The following ABCA4 variants were observed in gnomAD, a reference collection of about 807,000 sequenced individuals.
The protein encoded by ABCA4 is ATP binding cassette subfamily A member 4, also known as retinal-specific phospholipid-transporting ATPase ABCA4.
Under a neutral mutation model 263.7 loss-of-function variants are expected in ABCA4, and 196 were observed. The observed-to-expected ratio is 0.74, with a 90% CI of 0.66 to 0.84. ABCA4 has a LOEUF of 0.84. Among genes scored for constraint, ABCA4 ranks in the 40% least tolerant of loss-of-function variants. The pLI is 0.00. For missense variants in ABCA4, 2,792 were observed against 2,855.1 expected (o/e 0.98, Z 0.50); for synonymous variants, 1,133 against 1,094.2 (o/e 1.04, Z -0.70).
chr1:94,102,778 A>AT (rs765993823), intron 5 of ABCA4, among the ~76,000 whole-genome samples: 4 of 152,226 alleles, frequency 2.6e-5, no homozygotes, highest in Non-Finnish European at 4.4e-5. Flanking sequence ...CCTTCCAGTT[A>AT]TAAAAACCTG....
At chr1:94,041,921 C>T (rs962442278) in intron 22 of ABCA4, among the ~76,000 whole-genome samples, 13 of 151,904 alleles carry the variant, frequency 8.6e-5, no homozygotes. Context: ...CACGGTGAAA[C>T]CCCGTCTCTA....
At chr1:94,072,378 T>C (rs1315678902) in intron 11 of ABCA4, among the ~76,000 whole-genome samples, 1 of 152,214 alleles carries the variant, frequency 6.6e-6, no homozygotes, top group Non-Finnish European at 1.5e-5. Context: ...GCTTCCTATA[T>C]CAGCTTCCTG....
chr1:94,028,565 T>A (rs1160621707), intron 30 of ABCA4, among the ~76,000 whole-genome samples: 1 of 152,044 alleles, frequency 6.6e-6, no homozygotes, highest in Non-Finnish European at 1.5e-5. Context: ...CTTATAATGG[T>A]GAAAACTAAA....
chr1:94,038,566 G>T (rs761384983), intron 24 of ABCA4, among the ~76,000 whole-genome samples: 2 of 152,186 alleles, frequency 1.3e-5, no homozygotes, highest in Admixed American at 6.5e-5. Flanking sequence ...CTGCAAGTTG[G>T]ACTTGATTGT....
chr1:94,072,480 C>T (rs190665967), intron 11 of ABCA4, among the ~76,000 whole-genome samples: 4 of 152,260 alleles, frequency 2.6e-5, no homozygotes, highest in African/African-American at 9.6e-5. Flanking sequence ...CAGGCCTAAC[C>T]TTTTGCTAAA....
chr1:94,110,993 C>T (rs955948431), intron 3 of ABCA4, among the ~76,000 whole-genome samples: 1 of 152,190 alleles, frequency 6.6e-6, no homozygotes, highest in African/African-American at 2.4e-5. Context: ...ACTTCATTTA[C>T]CTTCCCAATG....
chr1:94,080,362 G>T (rs965953368), intron 8 of ABCA4, 116 bp downstream of exon 8: 239 of 1,426,364 alleles, frequency 1.7e-4, no homozygotes, highest in Non-Finnish European at 2.1e-4. Flanking sequence ...TTTACCTAAG[G>T]CCACTCAGCA....
At chr1:94,024,553 A>G (rs1659985378) in intron 31 of ABCA4, among the ~76,000 whole-genome samples, 1 of 151,470 alleles carries the variant, frequency 6.6e-6, no homozygotes, top group Admixed American at 6.6e-5. Context: ...CCACTTACTT[A>G]TTTTCTCTTT....
intron 11 of ABCA4, among the ~76,000 whole-genome samples, chr1:94,067,900 C>A (rs961371484): frequency 1.6e-4 from 25 of 152,196 alleles, no homozygotes; most frequent in Admixed American, 1.6e-3. Context: ...TGTTTTTAAC[C>A]ACTATGGTAT....
At chr1:94,103,987 G>T (rs1434401594) in intron 4 of ABCA4, among the ~76,000 whole-genome samples, 1 of 152,218 alleles carries the variant, frequency 6.6e-6, no homozygotes, top group Admixed American at 6.5e-5. Context: ...CCCCGTGTCT[G>T]CATTTTCCAC....
intron 6 of ABCA4, among the ~76,000 whole-genome samples, chr1:94,090,370 A>C (rs756136634): frequency 9.2e-5 from 14 of 152,228 alleles, no homozygotes; most frequent in Admixed American, 5.9e-4. Context: ...AAAAAAAAAA[A>C]AACTTCAAAT....
At position 94,010,832 on chromosome 1, in the gene ABCA4, C is replaced by G. The variant is rs1801574; in HGVS notation, c.5682G>C (p.Leu1894=). ...AGAGGAAGAAGTGGCGCTGGACCAG[C>G]AGGGTCAGGAGGAAGTACACCACCC... ...VEGVVYFLLT[L]LVQRHFFLSQ... The change falls in exon 40 of 50, where the codon CTG becomes CTC. Residue 1894 remains leucine, a synonymous_variant. Coordinates refer to ENST00000370225, the MANE Select transcript of ABCA4 (RefSeq NM_000350.3). 0.24 allele frequency: 381,790 copies of G among 1,613,792 alleles called. 46,504 individuals are homozygous for G. The highest frequency in any genetic ancestry group is 0.25 in the African/African-American group (18,977 of 74,922).
chr1:94,022,722 G>A (rs573250437), intron 32 of ABCA4, among the ~76,000 whole-genome samples: 1 of 152,292 alleles, frequency 6.6e-6, no homozygotes, highest in East Asian at 1.9e-4. Context: ...AAGCAGAGGA[G>A]GAGCTCTTTC....
chr1:94,109,344 A>G (rs1012703915), intron 3 of ABCA4, among the ~76,000 whole-genome samples: 1 of 152,248 alleles, frequency 6.6e-6, no homozygotes, highest in African/African-American at 2.4e-5. Flanking sequence ...TTTTTACCCA[A>G]TTCTCTGAGA....
At chr1:94,048,571 C>T (rs897590677) in intron 18 of ABCA4, among the ~76,000 whole-genome samples, 4 of 152,216 alleles carry the variant, frequency 2.6e-5, no homozygotes, top group East Asian at 1.9e-4. Context: ...GCTAAATCCT[C>T]GGAAGTCAGC....
Position 94,044,462 on chromosome 1 carries a change from C to T in ABCA4, c.3050+151G>A, listed in dbSNP as rs926853069. The T allele has an allele frequency of 4.6e-5, 55 of 1,186,848 alleles. No individual in the cohort carries two copies. In the African/African-American group the frequency reaches 7.7e-4, roughly 17 times the overall value. The allele number at this position is 1,186,848 out of a possible 1,614,324, so 73.5% of individuals were successfully genotyped here. ...GGGACAATTCTCACTGCAAGTAGGACAAAGGACTTTAAACATAGGGGAAAC... is the reference window on the plus strand; with the variant it reads ...GGGACAATTCTCACTGCAAGTAGGATAAAGGACTTTAAACATAGGGGAAAC... On this transcript the variant is annotated intron_variant, in intron 20 of 49. Coordinates refer to ENST00000370225, the MANE Select transcript of ABCA4 (RefSeq NM_000350.3).
intron 4 of ABCA4, among the ~76,000 whole-genome samples, chr1:94,105,209 C>T (rs1400927859): frequency 6.6e-6 from 1 of 152,228 alleles, no homozygotes; most frequent in African/African-American, 2.4e-5. Flanking sequence ...TGTTGAATGA[C>T]ATGAGGCATT....
chr1:94,042,926 T>C (rs1347735303), intron 21 of ABCA4, 28 bp from the exon 22 acceptor site: 2 of 1,614,070 alleles, frequency 1.2e-6, no homozygotes, highest in East Asian at 2.2e-5. Flanking sequence ...ACGGGAGAGT[T>C]AAGGGGCTGT....
At chr1:94,006,163 T>C (rs1005951278) in intron 43 of ABCA4, among the ~76,000 whole-genome samples, 2 of 152,148 alleles carry the variant, frequency 1.3e-5, no homozygotes, top group Admixed American at 6.5e-5. Flanking sequence ...TACATAGACA[T>C]TTAGTCTAAT....
Sources: allele counts gnomAD v4.1 joint callset (sites outside exome capture counted in the v4.1 genomes callset), GRCh38; gene constraint gnomAD v4.1.1; transcripts MANE v1.5; gene names NCBI Gene and HGNC (gene_info 2026-07-23, HGNC 2026-07-21).